Variants in ARHGEF10 observed in about 807,000 individuals in gnomAD.
ARHGEF10 encodes Rho guanine nucleotide exchange factor 10, also known as Rho guanine nucleotide exchange factor (GEF) 10.
ARHGEF10 carries 140 observed loss-of-function variants against 147.4 expected under a neutral mutation model. The observed-to-expected ratio is 0.95, with a 90% CI of 0.83 to 1.09. ARHGEF10 has a LOEUF of 1.09. Ranked by LOEUF, ARHGEF10 falls within the 50% of genes least tolerant of loss-of-function variation. The pLI, the probability that ARHGEF10 is intolerant of heterozygous loss-of-function variation, is 0.00. For synonymous variants in ARHGEF10, 902 were observed against 695.8 expected (o/e 1.30, Z -4.67); for missense variants, 2,222 against 1,752.7 (o/e 1.27, Z -4.78).
chr8:1,955,466 G>A (rs1815470488), intron 28 of ARHGEF10, among the ~76,000 whole-genome samples: 2 of 146,348 alleles, frequency 1.4e-5, no homozygotes, highest in African/African-American at 2.6e-5. Context: ...TGGATGGGTA[G>A]CTAGGAGCAT....
chr8:1,880,948 T>C (rs1808138978), intron 9 of ARHGEF10, among the ~76,000 whole-genome samples: 1 of 152,104 alleles, frequency 6.6e-6, no homozygotes, highest in Non-Finnish European at 1.5e-5. Context: ...CGTTACCCCC[T>C]CACATGCAGC....
chr8:1,883,953 G>C (rs1808430441), intron 10 of ARHGEF10, among the ~76,000 whole-genome samples: 1 of 152,170 alleles, frequency 6.6e-6, no homozygotes, highest in Non-Finnish European at 1.5e-5. Context: ...CCCTGAGCCA[G>C]GATTTGCAGG....
At chr8:1,913,989 G>A (rs958519301) in intron 18 of ARHGEF10, among the ~76,000 whole-genome samples, 5 of 152,198 alleles carry the variant, frequency 3.3e-5, no homozygotes, top group African/African-American at 9.7e-5. Flanking sequence ...GGTCGTGGGT[G>A]AGGTCACAGA....
chr8:1,830,247 C>T (rs1350721499), intron 1 of ARHGEF10, among the ~76,000 whole-genome samples: 1 of 152,164 alleles, frequency 6.6e-6, no homozygotes, highest in Admixed American at 6.5e-5. Flanking sequence ...GCAGGCGGCT[C>T]ATTTCCCGTG....
Position 1,903,346 on chromosome 8 carries a change from G to A in ARHGEF10, c.1716G>A (p.Glu572=), listed in dbSNP as rs1164565205. ...TGCCTCTTCAGATGGCCCTGACAGAGCTCGAAACACTAGCAGAGAAGTTAA... is the reference window on the plus strand; with the variant it reads ...TGCCTCTTCAGATGGCCCTGACAGAACTCGAAACACTAGCAGAGAAGTTAA... The part of the protein sequence containing the change: ...DRLPLQMALT[E]LETLAEKLNE... Residue 572 remains glutamate, a synonymous_variant, in exon 16 of 29, where the codon GAG becomes GAA. Coordinates refer to ENST00000349830, the MANE Select transcript of ARHGEF10 (RefSeq NM_014629.4). The A allele has an allele frequency of 5.0e-6, 8 of 1,614,008 alleles. No homozygotes were observed. The African/African-American group carries it at 8.0e-5, about 16-fold the overall frequency.
intron 14 of ARHGEF10, among the ~76,000 whole-genome samples, chr8:1,897,092 C>A (rs1289945060): frequency 6.6e-6 from 1 of 152,254 alleles, no homozygotes; most frequent in East Asian, 1.9e-4. Flanking sequence ...GTCGGCGGAA[C>A]TGAGTCTCCT....
chr8:1,954,807 C>T (rs1387321120), intron 28 of ARHGEF10, among the ~76,000 whole-genome samples: 1 of 152,264 alleles, frequency 6.6e-6, no homozygotes, highest in Non-Finnish European at 1.5e-5. Flanking sequence ...TCCTAGCTGT[C>T]CCATGGTGCA....
At chr8:1,834,335 A>G (rs1338227842) in intron 1 of ARHGEF10, among the ~76,000 whole-genome samples, 1 of 152,156 alleles carries the variant, frequency 6.6e-6, no homozygotes, top group African/African-American at 2.4e-5. Flanking sequence ...GAGCGTGCAG[A>G]GGAGGGGAGA....
chr8:1,956,796 A>G lies in ARHGEF10; in HGVS notation c.3568A>G (p.Ile1190Val). The change falls in exon 29 of 29, where the codon ATC becomes GTC. Residue 1190 changes from isoleucine (I) to valine (V), a missense_variant. Ile to Val is a conservative substitution (Grantham distance 29). Transcript: ENST00000349830. ...YHAHNSPVKFIVLATALHEKD... is the reference protein window; with the variant it reads ...YHAHNSPVKFVVLATALHEKD... ...TGCACACAACAGTCCTGTCAAATTC[A>G]TCGTCCTGGCCACGGCTCTGCACGA... is the stretch of plus-strand genomic sequence containing the variant. The G allele has an allele frequency of 1.2e-6, 2 of 1,614,040 alleles. No individual in the cohort carries two copies. Among genetic ancestry groups the G allele is most frequent in the Non-Finnish European group, 1.7e-6 (2 of 1,180,030 alleles).
chr8:1,905,091 T>C (rs1291435073), intron 16 of ARHGEF10, among the ~76,000 whole-genome samples: 2 of 152,172 alleles, frequency 1.3e-5, no homozygotes, highest in African/African-American at 4.8e-5. Flanking sequence ...ATTGTGCGGC[T>C]GCACTCCAGC....
intron 14 of ARHGEF10, 94 bp downstream of exon 14, chr8:1,896,543 G>A: frequency 1.1e-6 from 1 of 914,038 alleles, no homozygotes; most frequent in Admixed American, 1.8e-5. Flanking sequence ...TCGTTATTAA[G>A]ATTTCAGTAT....
Position 1,933,866 on chromosome 8 carries a change from T to C in ARHGEF10, c.3146T>C (p.Leu1049Pro), listed in dbSNP as rs1438157239. ...GGCGTCCTACCAGTTAGAAGTCTAC[T>C]CATGATGGAAGACACGTTGTGGGCG... ...KLGVLPVRSL[L>P]MMEDTLWAAS... Residue 1049 changes from leucine to proline, a missense_variant, in exon 26 of 29, where the codon CTC (leucine) becomes CCC (proline). Coordinates refer to ENST00000349830, the MANE Select transcript of ARHGEF10 (RefSeq NM_014629.4). 3 of 1,614,086 alleles carry C rather than the reference T, an allele frequency of 1.9e-6. No homozygotes were observed. Among genetic ancestry groups the C allele is most frequent in the Non-Finnish European group, 2.5e-6 (3 of 1,180,036 alleles).
intron 1 of ARHGEF10, among the ~76,000 whole-genome samples, chr8:1,829,238 A>T (rs1190436075): frequency 6.6e-6 from 1 of 152,272 alleles, no homozygotes; most frequent in Non-Finnish European, 1.5e-5. Context: ...CTCCTGGTTC[A>T]GAAGCTCCGT....
chr8:1,895,512 C>T (rs1401190688), intron 13 of ARHGEF10, among the ~76,000 whole-genome samples: 1 of 151,616 alleles, frequency 6.6e-6, no homozygotes, highest in Non-Finnish European at 1.5e-5. Flanking sequence ...TGCATAATAC[C>T]GTTTATGGAT....
intron 2 of ARHGEF10, among the ~76,000 whole-genome samples, chr8:1,846,729 A>T (rs887812145): frequency 2.0e-5 from 3 of 152,110 alleles, no homozygotes; most frequent in Admixed American, 2.0e-4. Flanking sequence ...GACACCTGCC[A>T]CCATGCCCAG....
At chr8:1,913,236 G>A (rs1433021120) in intron 18 of ARHGEF10, among the ~76,000 whole-genome samples, 2 of 152,116 alleles carry the variant, frequency 1.3e-5, no homozygotes, top group African/African-American at 4.8e-5. Flanking sequence ...GCCTTCAAGG[G>A]TGTTTCAGAA....
chr8:1,926,848 C>A, intron 23 of ARHGEF10: 2 of 312,810 alleles, frequency 6.4e-6, no homozygotes, highest in South Asian at 2.9e-5. Context: ...TTAATTTGTT[C>A]CAAATGAAAT....
chr8:1,920,032 ATGGGTGATGGAGCTGTTCCG>A (rs1554506690), intron 18 of ARHGEF10, among the ~76,000 whole-genome samples: 13 of 106,014 alleles, frequency 1.2e-4, no homozygotes, highest in African/African-American at 3.1e-4. Flanking sequence ...GAGCTGTTCT[ATGGGTGATGGAGCTGTTCCG>A]TGGGTGATGG....
chr8:1,876,734 A>C lies in ARHGEF10; in HGVS notation c.843A>C (p.Gln281His), dbSNP rs548442576. Reference protein sequence around the residue: ...RSFLRSNHKKQLSHDLTRLKE... With the variant: ...RSFLRSNHKKHLSHDLTRLKE... ...TCCTGCGCAGCAACCACAAAAAGCA[A>C]GTACGTGTTCCCTGCACATGTGAGG... The change falls in exon 8 of 29, where the codon CAA becomes CAC. Residue 281 changes from glutamine to histidine, a missense_variant and splice_region_variant. Physicochemically the swap from Gln to His is conservative, Grantham distance 24. Coordinates refer to ENST00000349830, the MANE Select transcript of ARHGEF10 (RefSeq NM_014629.4). 9.9e-6 allele frequency: 16 copies of C among 1,614,168 alleles called. No homozygotes were observed. In the East Asian group the frequency reaches 3.1e-4, roughly 31 times the overall value.
Sources: gnomAD v4.1 joint callset for allele counts (sites outside exome capture counted in the v4.1 genomes callset) on GRCh38, gnomAD v4.1.1 for gene constraint, MANE v1.5 for transcripts, NCBI Gene and HGNC (gene_info 2026-07-23, HGNC 2026-07-21) for gene names.